The following EPB41L4A variants were observed in gnomAD, a reference collection of about 807,000 sequenced individuals.
The protein encoded by EPB41L4A is band 4.1-like protein 4A.
In EPB41L4A, 100 loss-of-function variants were observed where a neutral mutation model predicts 108.6. The observed-to-expected ratio is 0.92, with a 90% CI of 0.78 to 1.09. The LOEUF (loss-of-function observed/expected upper bound fraction) is 1.09. Ranked by LOEUF, EPB41L4A falls within the 50% of genes least tolerant of loss-of-function variation. EPB41L4A has a pLI of 0.00. For missense variants in EPB41L4A, 1,030 were observed against 842.7 expected (o/e 1.22, Z -2.75); for synonymous variants, 319 against 289.0 (o/e 1.10, Z -1.05).
intron 1 of EPB41L4A, among the ~76,000 whole-genome samples, chr5:112,349,362 T>C (rs756780372): frequency 6.6e-6 from 1 of 152,138 alleles, no homozygotes; most frequent in Non-Finnish European, 1.5e-5. Flanking sequence ...GCAGGGCCTC[T>C]GCACTGAGAC....
At chr5:112,297,142 TG>T (rs1754044035) in intron 2 of EPB41L4A, among the ~76,000 whole-genome samples, 1 of 152,088 alleles carries the variant, frequency 6.6e-6, no homozygotes, top group African/African-American at 2.4e-5. Flanking sequence ...TCTTTTCCTC[TG>T]GGTGGATACC....
rs184971752 is a variant in EPB41L4A at position 112,300,199 on chromosome 5, T to A, written c.204+7187A>T. On this transcript the variant is annotated intron_variant, in intron 2 of 22. Coordinates refer to ENST00000261486, the MANE Select transcript of EPB41L4A (RefSeq NM_022140.5). ...TCCATTCATTGTGCTATTTGTTGCC[T>A]GTATACCTTGTTTTTTCTTAATTAT... Among the ~76,000 whole-genome samples, 194 of 151,188 alleles carry A rather than the reference T, an allele frequency of 1.3e-3. 1 individual carries two copies. The highest frequency in any genetic ancestry group is 4.4e-3 in the African/African-American group (178 of 40,742).
At chr5:112,396,478 A>G (rs116408436) in intron 1 of EPB41L4A, among the ~76,000 whole-genome samples, 2,594 of 152,338 alleles carry the variant, frequency 0.017, 57 homozygotes, top group African/African-American at 0.059. Flanking sequence ...ATGGTTTAAA[A>G]CAACAAACAT....
At chr5:112,154,476 A>T (rs946710475) in intron 12 of EPB41L4A, among the ~76,000 whole-genome samples, 21 of 152,234 alleles carry the variant, frequency 1.4e-4, no homozygotes, top group Non-Finnish European at 4.4e-5. Context: ...ACATTATCTT[A>T]AAATCAAATG....
At chr5:112,177,389 G>T (rs1047591820) in intron 18 of EPB41L4A, among the ~76,000 whole-genome samples, 1 of 152,064 alleles carries the variant, frequency 6.6e-6, no homozygotes, top group Non-Finnish European at 1.5e-5. Context: ...ATTACTTTGG[G>T]CCTACTTGGA....
chr5:112,362,382 G>GC (rs1341898022), intron 1 of EPB41L4A, among the ~76,000 whole-genome samples: 2 of 151,438 alleles, frequency 1.3e-5, no homozygotes, highest in African/African-American at 2.4e-5. Flanking sequence ...CCACATTCGA[G>GC]CGATTCTCCT....
At chr5:112,354,026 A>G (rs1489141461) in intron 1 of EPB41L4A, among the ~76,000 whole-genome samples, 1 of 152,192 alleles carries the variant, frequency 6.6e-6, no homozygotes, top group African/African-American at 2.4e-5. Flanking sequence ...TGTAGTAAAG[A>G]GCATGGACTC....
intron 9 of EPB41L4A, among the ~76,000 whole-genome samples, chr5:112,245,322 C>T (rs749037403): frequency 2.6e-5 from 4 of 152,124 alleles, no homozygotes; most frequent in Admixed American, 6.6e-5. Context: ...GAGGTTTCTA[C>T]GGACTCATAA....
intron 19 of EPB41L4A, among the ~76,000 whole-genome samples, chr5:112,170,636 T>C (rs1760520277): frequency 6.6e-6 from 1 of 152,212 alleles, no homozygotes; most frequent in Non-Finnish European, 1.5e-5. Context: ...TTCTCTCCCC[T>C]GTGGTAGGTG....
chr5:112,302,033 A>G (rs182660588), intron 2 of EPB41L4A, among the ~76,000 whole-genome samples: 1 of 152,250 alleles, frequency 6.6e-6, no homozygotes, highest in East Asian at 1.9e-4. Context: ...ATTTTTATAA[A>G]GGTAGATGAA....
intron 13 of EPB41L4A, 139 bp downstream of exon 13, chr5:112,209,753 G>T: frequency 2.0e-6 from 1 of 505,214 alleles, no homozygotes; most frequent in South Asian, 3.1e-5. Flanking sequence ...GTATTATTTG[G>T]CCCAGAGATT....
chr5:112,402,098 G>A (rs1396734466), intron 1 of EPB41L4A, among the ~76,000 whole-genome samples: 4 of 152,210 alleles, frequency 2.6e-5, no homozygotes, highest in African/African-American at 9.6e-5. Flanking sequence ...CAGTGTTGGA[G>A]GAGGGGCCTG....
intron 4 of EPB41L4A, among the ~76,000 whole-genome samples, chr5:112,270,806 A>G (rs780728963): frequency 1.3e-5 from 2 of 152,226 alleles, no homozygotes; most frequent in Non-Finnish European, 2.9e-5. Flanking sequence ...GGTTGCAAAA[A>G]GAAGACATGA....
intron 2 of EPB41L4A, among the ~76,000 whole-genome samples, chr5:112,301,886 G>C (rs1754384282): frequency 6.6e-6 from 1 of 151,820 alleles, no homozygotes; most frequent in South Asian, 2.1e-4. Flanking sequence ...CAATTTATAT[G>C]TATATTATGG....
intron 1 of EPB41L4A, among the ~76,000 whole-genome samples, chr5:112,331,415 T>G (rs1316503736): frequency 6.6e-6 from 1 of 152,200 alleles, no homozygotes. Flanking sequence ...AAAATTCACT[T>G]CCTGCTTTCC....
At chr5:112,335,604 A>G (rs1756866099) in intron 1 of EPB41L4A, among the ~76,000 whole-genome samples, 1 of 152,176 alleles carries the variant, frequency 6.6e-6, no homozygotes, top group Non-Finnish European at 1.5e-5. Context: ...GAACCTGACC[A>G]TGGCTCTCCA....
At chr5:112,238,760 G>T (rs1298483385) in intron 11 of EPB41L4A, among the ~76,000 whole-genome samples, 1 of 152,188 alleles carries the variant, frequency 6.6e-6, no homozygotes, top group Admixed American at 6.5e-5. Flanking sequence ...TTTGAAGGCA[G>T]AAGTGGGTAG....
chr5:112,345,766 TAC>T (rs1757606670), intron 1 of EPB41L4A, among the ~76,000 whole-genome samples: 4 of 112,270 alleles, frequency 3.6e-5, no homozygotes, highest in African/African-American at 6.7e-5. Flanking sequence ...TATATATATA[TAC>T]ATATATATAT....
chr5:112,146,872 A>T (rs1759279218), intron 12 of EPB41L4A, among the ~76,000 whole-genome samples: 1 of 152,228 alleles, frequency 6.6e-6, no homozygotes, highest in Non-Finnish European at 1.5e-5. Flanking sequence ...AATGCATAAG[A>T]TGTAACCTTA....
Sources: gnomAD v4.1 joint callset for allele counts (sites outside exome capture counted in the v4.1 genomes callset) on GRCh38, gnomAD v4.1.1 for gene constraint, MANE v1.5 for transcripts, NCBI Gene and HGNC (gene_info 2026-07-23, HGNC 2026-07-21) for gene names.